The following DCC variants were observed in gnomAD, a reference collection of about 807,000 sequenced individuals.
DCC encodes the protein netrin receptor DCC.
Under a neutral mutation model 172.5 loss-of-function variants are expected in DCC, and 58 were observed. The observed-to-expected ratio is 0.34, with a 90% CI of 0.27 to 0.42. The LOEUF is 0.42. DCC is among the 10% of genes least tolerant of loss of function. The pLI is 1.00. For synonymous variants in DCC, 709 were observed against 644.5 expected (o/e 1.10, Z -1.52); for missense variants, 1,740 against 1,791.0 (o/e 0.97, Z 0.51).
chr18:52,989,943 A>G (rs68109263), intron 5 of DCC, among the ~76,000 whole-genome samples: 11,930 of 152,204 alleles, frequency 0.078, 608 homozygotes, highest in East Asian at 0.21. Context: ...CCACTTGTCT[A>G]TATCAGGCAG....
At chr18:53,454,100 C>T (rs941852074) in intron 23 of DCC, among the ~76,000 whole-genome samples, 2 of 152,164 alleles carry the variant, frequency 1.3e-5, no homozygotes, top group Non-Finnish European at 2.9e-5. Context: ...GTAACCCCAG[C>T]CTTTTGGGAG....
At chr18:53,052,801 C>T (rs1442877038) in intron 5 of DCC, among the ~76,000 whole-genome samples, 1 of 152,048 alleles carries the variant, frequency 6.6e-6, no homozygotes, top group East Asian at 1.9e-4. Flanking sequence ...CTCAAACCAA[C>T]CTCCATCCCC....
chr18:52,798,488 G>GC (rs1266924750), intron 2 of DCC, among the ~76,000 whole-genome samples: 1 of 152,108 alleles, frequency 6.6e-6, no homozygotes, highest in Non-Finnish European at 1.5e-5. Flanking sequence ...ACAGGCATGA[G>GC]CCACTGCACC....
At chr18:52,620,649 G>GTAAACATT (rs774862121) in intron 1 of DCC, among the ~76,000 whole-genome samples, 6,061 of 152,146 alleles carry the variant, frequency 0.04, 153 homozygotes, top group Non-Finnish European at 0.053. Context: ...TTACTTTTTA[G>GTAAACATT]TTATAGCAAA....
chr18:53,036,079 A>T (rs1321512160), intron 5 of DCC, among the ~76,000 whole-genome samples: 1 of 151,984 alleles, frequency 6.6e-6, no homozygotes, highest in Non-Finnish European at 1.5e-5. Context: ...TGCTTTAGAG[A>T]GTATCAATTT....
intron 1 of DCC, among the ~76,000 whole-genome samples, chr18:52,641,396 CA>C (rs1286433576): frequency 2.0e-5 from 3 of 152,020 alleles, no homozygotes; most frequent in Non-Finnish European, 4.4e-5. Context: ...TTTTGCACGG[CA>C]AAAGGAACAA....
intron 2 of DCC, among the ~76,000 whole-genome samples, chr18:52,840,631 T>C (rs1568137549): frequency 6.6e-6 from 1 of 152,178 alleles, no homozygotes; most frequent in Non-Finnish European, 1.5e-5. Flanking sequence ...ATCAGATTGG[T>C]TCTTGGGATC....
chr18:52,624,622 C>T (rs1190986667), intron 1 of DCC, among the ~76,000 whole-genome samples: 2 of 152,060 alleles, frequency 1.3e-5, no homozygotes, highest in African/African-American at 4.8e-5. Flanking sequence ...TAATCAGTTG[C>T]CTGAGTATCA....
At chr18:52,497,808 A>T (rs2030861095) in intron 1 of DCC, among the ~76,000 whole-genome samples, 1 of 152,118 alleles carries the variant, frequency 6.6e-6, no homozygotes, top group Admixed American at 6.5e-5. Context: ...GCACAATCAA[A>T]AACTCCAACC....
intron 23 of DCC, among the ~76,000 whole-genome samples, chr18:53,454,789 C>A (rs1037454794): frequency 6.6e-6 from 1 of 152,116 alleles, no homozygotes; most frequent in African/African-American, 2.4e-5. Flanking sequence ...TATTATAGGT[C>A]ACTTTTACTG....
chr18:52,457,755 T>C (rs1465023479), intron 1 of DCC, among the ~76,000 whole-genome samples: 1 of 152,336 alleles, frequency 6.6e-6, no homozygotes, highest in East Asian at 1.9e-4. Flanking sequence ...ACAACTCACA[T>C]GACTTATTTC....
intron 1 of DCC, among the ~76,000 whole-genome samples, chr18:52,451,739 T>C (rs1351240215): frequency 1.3e-5 from 2 of 151,976 alleles, no homozygotes; most frequent in Non-Finnish European, 2.9e-5. Flanking sequence ...AGTAAAAAGG[T>C]ATAAGTGGTC....
chr18:53,410,024 T>C (rs981032686), intron 19 of DCC, among the ~76,000 whole-genome samples: 3 of 152,208 alleles, frequency 2.0e-5, no homozygotes, highest in African/African-American at 7.2e-5. Context: ...TAAACATGTA[T>C]AGCATTTTAT....
chr18:52,803,332 A>T (rs1006866682), intron 2 of DCC, among the ~76,000 whole-genome samples: 2 of 152,188 alleles, frequency 1.3e-5, no homozygotes, highest in African/African-American at 2.4e-5. Context: ...TTTTAAGTGG[A>T]TACTCACAAC....
At chr18:52,777,820 G>A in intron 2 of DCC, among the ~76,000 whole-genome samples, 1 of 152,068 alleles carries the variant, frequency 6.6e-6, no homozygotes, top group East Asian at 1.9e-4. Context: ...GAGCAAATGA[G>A]GCGATTATAA....
At chr18:52,962,820 T>C (rs370060672) in intron 5 of DCC, among the ~76,000 whole-genome samples, 2 of 151,828 alleles carry the variant, frequency 1.3e-5, no homozygotes, top group East Asian at 3.9e-4. Context: ...ATGGATGAAA[T>C]TGGAAACCAT....
chr18:53,114,155 GA>G (rs1568312848), intron 7 of DCC, among the ~76,000 whole-genome samples: 1 of 151,426 alleles, frequency 6.6e-6, no homozygotes, highest in East Asian at 2.0e-4. Context: ...TTATGTAAAT[GA>G]CATCCTACCA....
At chr18:53,153,939 A>G (rs1005889172) in intron 7 of DCC, among the ~76,000 whole-genome samples, 2 of 152,198 alleles carry the variant, frequency 1.3e-5, no homozygotes, top group African/African-American at 4.8e-5. Flanking sequence ...CTGTGCTTAG[A>G]CAAGGAGGAC....
intron 7 of DCC, among the ~76,000 whole-genome samples, chr18:53,118,296 T>C (rs1262985874): frequency 1.3e-5 from 2 of 151,852 alleles, no homozygotes; most frequent in Non-Finnish European, 2.9e-5. Flanking sequence ...ACTGCAATTG[T>C]AATATATATT....
Sources: gnomAD v4.1 joint callset for allele counts (sites outside exome capture counted in the v4.1 genomes callset) on GRCh38, gnomAD v4.1.1 for gene constraint, MANE v1.5 for transcripts, NCBI Gene and HGNC (gene_info 2026-07-23, HGNC 2026-07-21) for gene names.